KMT2C: variants seen among roughly 807,000 people sequenced by gnomAD.
The protein encoded by KMT2C is histone-lysine N-methyltransferase 2C.
KMT2C carries 88 observed loss-of-function variants against 507.9 expected under a neutral mutation model. The ratio of observed to expected loss-of-function variants is 0.17; its 90% CI spans 0.15 to 0.21. KMT2C has a LOEUF of 0.21. Ranked by LOEUF, KMT2C falls within the 10% of genes least tolerant of loss-of-function variation. The probability of loss-of-function intolerance (pLI) is 1.00; values close to 1 mark genes in which losing one functional copy is unlikely to be tolerated. For missense variants in KMT2C, 4,954 were observed against 5,957.8 expected, an observed-to-expected ratio of 0.83 and a Z score of 5.55; for synonymous variants, 2,049 against 2,080.8, an observed-to-expected ratio of 0.98 and a Z score of 0.42.
chr7:152,288,538 A>C (rs567813429), intron 6 of KMT2C, among the ~76,000 whole-genome samples: 6 of 151,722 alleles, frequency 4.0e-5, no homozygotes, highest in Non-Finnish European at 8.8e-5. Context: ...GACAATAAAT[A>C]AATAAATAAA....
At chr7:152,324,187 T>C (rs567740370) in intron 3 of KMT2C, among the ~76,000 whole-genome samples, 3 of 151,550 alleles carry the variant, frequency 2.0e-5, no homozygotes, top group East Asian at 3.9e-4. Context: ...ACAGGAGGAA[T>C]AGGTTTTGAG....
intron 6 of KMT2C, among the ~76,000 whole-genome samples, chr7:152,291,694 T>A (rs1488924763): frequency 6.6e-6 from 1 of 152,224 alleles, no homozygotes; most frequent in Non-Finnish European, 1.5e-5. Flanking sequence ...ATGTAACAAC[T>A]GAACAGTACT....
chr7:152,273,032 G>A (rs2096006725), intron 7 of KMT2C, among the ~76,000 whole-genome samples: 1 of 152,032 alleles, frequency 6.6e-6, no homozygotes, highest in Non-Finnish European at 1.5e-5. Flanking sequence ...TGCTCATAGG[G>A]AAAACACATA....
Position 152,205,305 on chromosome 7 carries a change from T to C in KMT2C, c.3842-80A>G, listed in dbSNP as rs2094273908. On this transcript the variant is annotated intron_variant, in intron 24 of 58. Transcript: ENST00000262189. ...CAGTACACAGGATAAAACTGCTTTA[T>C]CTTGAATAGTAAGTCATTTTCCAAA... 5 of 1,058,770 alleles carry C rather than the reference T, an allele frequency of 4.7e-6. No homozygotes were observed. In the Admixed American group the frequency reaches 1.1e-4, roughly 24 times the overall value. The allele number at this position is 1,058,770 out of a possible 1,614,324, so 65.6% of individuals were successfully genotyped here. A position where few individuals can be genotyped will look rare whatever the true frequency, so the allele number is the denominator to read the frequency against.
chr7:152,209,027 T>C (rs991017614), intron 23 of KMT2C, among the ~76,000 whole-genome samples: 1 of 151,846 alleles, frequency 6.6e-6, no homozygotes, highest in African/African-American at 2.4e-5. Context: ...GGCGTGGTGG[T>C]ACACGCCTAA....
intron 31 of KMT2C, among the ~76,000 whole-genome samples, chr7:152,191,381 T>C (rs1377846510): frequency 1.3e-5 from 2 of 152,208 alleles, no homozygotes; most frequent in Non-Finnish European, 2.9e-5. Context: ...ATAGTCTAAT[T>C]CACTTTAATT....
chr7:152,220,779 T>G (rs759863003), intron 22 of KMT2C, 44 bp from the exon 23 acceptor site: 23 of 1,461,532 alleles, frequency 1.6e-5, no homozygotes, highest in Non-Finnish European at 2.2e-5. Context: ...AACTTTCATT[T>G]CAAATTTGAC....
chr7:152,424,055 T>C (rs2097795228), intron 1 of KMT2C, among the ~76,000 whole-genome samples: 1 of 152,204 alleles, frequency 6.6e-6, no homozygotes, highest in African/African-American at 2.4e-5. Context: ...AAACTTCATT[T>C]AACTATTTCA....
At chr7:152,322,338 G>A (rs1380407873) in intron 3 of KMT2C, among the ~76,000 whole-genome samples, 1 of 151,946 alleles carries the variant, frequency 6.6e-6, no homozygotes, top group Non-Finnish European at 1.5e-5. Context: ...ACTCCAGCCT[G>A]GGCTACAAAT....
rs555775928 is a variant in KMT2C, at chr7:152,147,330, G to A, written c.13895-595C>T. Among the ~76,000 whole-genome samples, 87 of 152,048 alleles carry A rather than the reference G, an allele frequency of 5.7e-4. 2 individuals carry two copies. The South Asian group carries it at 0.017, about 31-fold the overall frequency. On this transcript the variant is annotated intron_variant, in intron 52 of 58. Coordinates refer to ENST00000262189, the MANE Select transcript of KMT2C (RefSeq NM_170606.3). The stretch of plus-strand genomic sequence containing the variant: ...CTGATGTTCCTATACATTGTCTTAT[G>A]ACAATGTATACAGTATGATTTAGAT...
At chr7:152,150,371 C>T (rs1376686694) in intron 51 of KMT2C, among the ~76,000 whole-genome samples, 2 of 152,148 alleles carry the variant, frequency 1.3e-5, no homozygotes, top group African/African-American at 4.8e-5. Flanking sequence ...GTAATCCCAG[C>T]ACTTTGAGAG....
At chr7:152,326,159 T>C (rs1439552013) in intron 3 of KMT2C, among the ~76,000 whole-genome samples, 2 of 152,202 alleles carry the variant, frequency 1.3e-5, no homozygotes, top group African/African-American at 4.8e-5. Context: ...CTTCCTCTTC[T>C]TCATGGGTCC....
At chr7:152,412,530 C>A (rs1445818650) in intron 1 of KMT2C, among the ~76,000 whole-genome samples, 1 of 152,110 alleles carries the variant, frequency 6.6e-6, no homozygotes, top group African/African-American at 2.4e-5. Flanking sequence ...TAATTATAGA[C>A]AATTATTCTC....
At chr7:152,158,625 C>T (rs1235449572) in intron 44 of KMT2C, among the ~76,000 whole-genome samples, 2 of 151,870 alleles carry the variant, frequency 1.3e-5, no homozygotes, top group East Asian at 1.9e-4. Flanking sequence ...AAGCAATTCT[C>T]GTGCCTCAGC....
rs2096340653 is a variant in KMT2C at position 152,288,161 on chromosome 7, C to A, written c.850-14294G>T. Among the ~76,000 whole-genome samples the A allele has an allele frequency of 1.5e-5, 2 of 137,448 alleles. 1 individual carries two copies. The highest frequency in any genetic ancestry group is 4.6e-4 in the South Asian group (2 of 4,376). 90.2% of individuals were successfully genotyped at this position (137,448 alleles called of 152,430 possible). On this transcript the variant is annotated intron_variant, in intron 6 of 58. Coordinates refer to ENST00000262189, the MANE Select transcript of KMT2C (RefSeq NM_170606.3). Reference sequence around the variant, plus strand: ...AAAATATGCTAACAAAAATAAAATACAAACTAAGCTGAACAACAAAATGGG... The same window carrying A: ...AAAATATGCTAACAAAAATAAAATAAAAACTAAGCTGAACAACAAAATGGG...
chr7:152,407,578 C>A (rs1466006364), intron 1 of KMT2C, among the ~76,000 whole-genome samples: 10 of 151,664 alleles, frequency 6.6e-5, no homozygotes, highest in African/African-American at 2.4e-4. Context: ...AGGCTGAGGC[C>A]GGAGACTCAC....
At chr7:152,352,265 G>C (rs2097118519) in intron 2 of KMT2C, among the ~76,000 whole-genome samples, 1 of 152,060 alleles carries the variant, frequency 6.6e-6, no homozygotes, top group African/African-American at 2.4e-5. Flanking sequence ...TTTTTGGTCA[G>C]ACCAGTTGTC....
chr7:152,197,958 C>A lies in KMT2C; in HGVS notation c.4273+1321G>T, dbSNP rs1390938646. On this transcript the variant is annotated intron_variant, in intron 27 of 58. Coordinates refer to ENST00000262189, the MANE Select transcript of KMT2C (RefSeq NM_170606.3). ...GAAAAAAAAAAACTTGTATCAATAT[C>A]TTTCCTATATGTTCTCTGTCCAATT... is the stretch of plus-strand genomic sequence containing the variant. 2.6e-5 allele frequency among the ~76,000 whole-genome samples: 4 copies of A among 151,876 alleles called. No individual in the cohort carries two copies. The East Asian group carries it at 5.8e-4, about 22-fold the overall frequency.
chr7:152,390,836 G>C (rs889693107), intron 1 of KMT2C, among the ~76,000 whole-genome samples: 1 of 152,098 alleles, frequency 6.6e-6, no homozygotes, highest in African/African-American at 2.4e-5. Context: ...AAGAAATACA[G>C]TCACTATTCT....
Sources: gnomAD v4.1 joint callset for allele counts (sites outside exome capture counted in the v4.1 genomes callset) on GRCh38, gnomAD v4.1.1 for gene constraint, MANE v1.5 for transcripts, NCBI Gene and HGNC (gene_info 2026-07-23, HGNC 2026-07-21) for gene names.